Variants in CSDE1 observed in about 807,000 individuals in gnomAD.
CSDE1 encodes cold shock domain containing E1.
In CSDE1, 17 loss-of-function variants were observed where a neutral mutation model predicts 89.3. That is an observed-to-expected ratio of 0.19 (90% CI 0.13 to 0.29). The LOEUF (loss-of-function observed/expected upper bound fraction) is 0.29, where lower values mean the gene tolerates loss of function less well. CSDE1 is among the 10% of genes least tolerant of loss of function. The pLI is 1.00. For synonymous variants in CSDE1, 322 were observed against 332.8 expected, an observed-to-expected ratio of 0.97 and a Z score of 0.35; for missense variants, 672 against 984.2, an observed-to-expected ratio of 0.68 and a Z score of 4.24.
intron 2 of CSDE1, 135 bp from the exon 3 acceptor site, chr1:114,740,025 T>C (rs749743541): frequency 1.2e-5 from 8 of 654,076 alleles, no homozygotes; most frequent in Non-Finnish European, 1.8e-5. Flanking sequence ...TTATAGACTT[T>C]ATTACTGCAG....
intron 2 of CSDE1, among the ~76,000 whole-genome samples, chr1:114,749,300 A>G (rs77620702): frequency 1.2e-4 from 2 of 16,218 alleles, no homozygotes; most frequent in East Asian, 0.056. Context: ...TATCTTATTC[A>G]TTCGTTATAT....
chr1:114,720,747 A>G, intron 16 of CSDE1, 30 bp from the exon 17 acceptor site: 1 of 1,606,894 alleles, frequency 6.2e-7, no homozygotes, highest in South Asian at 1.1e-5. Context: ...TCTAAAAGCT[A>G]GTATTTCACA....
intron 12 of CSDE1, among the ~76,000 whole-genome samples, chr1:114,729,105 A>T (rs773837645): frequency 6.7e-6 from 1 of 150,028 alleles, no homozygotes; most frequent in Admixed American, 6.6e-5. Context: ...CAAGGTCTAA[A>T]TTTTTTTTTT....
chr1:114,719,237 G>T (rs189139375), intron 18 of CSDE1, among the ~76,000 whole-genome samples: 26 of 152,284 alleles, frequency 1.7e-4, no homozygotes, highest in Admixed American at 8.5e-4. Context: ...TAGGCCCAGG[G>T]GGTTGAGTCT....
Position 114,717,640 on chromosome 1 carries a change from G to A in CSDE1, c.*529C>T, listed in dbSNP as rs1476919622. On this transcript the variant is annotated 3_prime_UTR_variant, in exon 20 of 20. Coordinates refer to ENST00000358528, the MANE Select transcript of CSDE1 (RefSeq NM_001007553.3). ...AATTTGGCCATCAACTTTAAGAAAT[G>A]GTTTGCCTATACAAATTTTTGTAAT... The A allele has an allele frequency of 6.6e-6, 1 of 152,610 alleles. No individual in the cohort carries two copies. The highest frequency in any genetic ancestry group is 2.4e-5 in the African/African-American group (1 of 41,438). The allele number at this position is 152,610 out of a possible 1,614,324, so 9.5% of individuals were successfully genotyped here.
At chr1:114,720,872 A>G (rs1659480392) in intron 16 of CSDE1, among the ~76,000 whole-genome samples, 155 bp from the exon 17 acceptor site, 1 of 152,232 alleles carries the variant, frequency 6.6e-6, no homozygotes, top group South Asian at 2.1e-4. Context: ...AGCTTAAATG[A>G]AATCCTAAAT....
chr1:114,726,154 C>T, intron 14 of CSDE1, 57 bp downstream of exon 14: 1 of 1,492,318 alleles, frequency 6.7e-7, no homozygotes, highest in Non-Finnish European at 9.0e-7. Context: ...TTTTTTATTC[C>T]AACACCAAAG....
chr1:114,727,475 T>TGG (rs979738783), intron 12 of CSDE1, among the ~76,000 whole-genome samples: 3 of 152,198 alleles, frequency 2.0e-5, no homozygotes, highest in Non-Finnish European at 4.4e-5. Flanking sequence ...GCTGCTGAAG[T>TGG]ATCCTCTTTT....
chr1:114,737,249 G>A (rs900560568), intron 5 of CSDE1, among the ~76,000 whole-genome samples: 5 of 152,040 alleles, frequency 3.3e-5, no homozygotes, highest in Admixed American at 3.3e-4. Flanking sequence ...TTACCTTAAT[G>A]TTCTAACTAA....
At position 114,718,722 on chromosome 1, in the gene CSDE1, G is replaced by A. The variant is rs1252703432; in HGVS notation, c.2240C>T (p.Ala747Val). ...ATTGACCAACCGATCAGGTCGAGGAGCTGCAACAGCCTTGGGGCCCTCACT... is the reference window on the plus strand; with the variant it reads ...ATTGACCAACCGATCAGGTCGAGGAACTGCAACAGCCTTGGGGCCCTCACT... ...RVCEGPKAVA[A>V]PRPDRLVNRL... is the part of the protein sequence containing the mutation. Residue 747 changes from alanine to valine, a missense_variant, in exon 19 of 20, where the codon GCT becomes GTT. Ala to Val is a moderately conservative substitution (Grantham distance 64, BLOSUM62 0). Transcript: ENST00000358528. 1 of 1,614,152 alleles carries A rather than the reference G, an allele frequency of 6.2e-7. No homozygotes were observed. The highest frequency in any genetic ancestry group is 8.5e-7 in the Non-Finnish European group (1 of 1,179,998).
At chr1:114,754,791 A>T (rs1661503332) in intron 1 of CSDE1, among the ~76,000 whole-genome samples, 1 of 152,248 alleles carries the variant, frequency 6.6e-6, no homozygotes, top group Non-Finnish European at 1.5e-5. Flanking sequence ...GTGTAGTAAC[A>T]ACTGTGCTGG....
intron 15 of CSDE1, 97 bp downstream of exon 15, chr1:114,725,124 A>T: frequency 1.1e-6 from 1 of 901,236 alleles, no homozygotes; most frequent in Non-Finnish European, 1.8e-6. Context: ...CATGAGAATG[A>T]CTGATGTAGA....
chr1:114,721,188 G>C (rs539243854), intron 16 of CSDE1, among the ~76,000 whole-genome samples: 1 of 151,606 alleles, frequency 6.6e-6, no homozygotes, highest in African/African-American at 2.4e-5. Flanking sequence ...TTTTTTGTTC[G>C]AATTCTGGCT....
Position 114,720,626 on chromosome 1 carries a change from T to C in CSDE1, c.1965A>G (p.Gln655=), listed in dbSNP as rs75427731. 1,953 of 1,614,114 alleles carry C rather than the reference T, an allele frequency of 1.2e-3. 25 individuals carry two copies. The African/African-American group carries it at 0.022, about 18-fold the overall frequency. ...CLQKGESVKF[Q]LCVLGQNAQT... ...GTGCATTTTGGCCCAGGACACACAA[T>C]TGGAACTTGACGCTCTCCCCTTTCT... The change falls in exon 17 of 20, where the codon CAA becomes CAG. Residue 655 remains glutamine, a synonymous_variant. Transcript: ENST00000358528.
At position 114,719,620 on chromosome 1, in the gene CSDE1, C is replaced by G; in HGVS notation, c.2175G>C (p.Gln725His). ...DEVEFSVILN[Q>H]RTGKCSACNV... ...TACAGGCGCTGCACTTGCCAGTGCGCTGATTAAGAATCACTGAGAACTCCA... is the reference window on the plus strand; with the variant it reads ...TACAGGCGCTGCACTTGCCAGTGCGGTGATTAAGAATCACTGAGAACTCCA... Residue 725 changes from glutamine (Q) to histidine (H), a missense_variant, in exon 18 of 20, where the codon CAG (glutamine) becomes CAC (histidine). Around this residue, in one of 8 missense-constraint regions of CSDE1, gnomAD observed 206 missense variants for 332.4 expected, o/e 0.62. Coordinates refer to ENST00000358528, the MANE Select transcript of CSDE1 (RefSeq NM_001007553.3). The G allele has an allele frequency of 1.2e-6, 2 of 1,614,016 alleles. No homozygotes were observed. Among genetic ancestry groups the G allele is most frequent in the Non-Finnish European group, 8.5e-7 (1 of 1,179,900 alleles).
intron 2 of CSDE1, chr1:114,748,212 CTGAA>C (rs920292107): frequency 5.0e-4 from 76 of 152,304 alleles, no homozygotes; most frequent in African/African-American, 1.8e-3. Context: ...GCTTTTGTAA[CTGAA>C]TGACTTATTT....
intron 9 of CSDE1, among the ~76,000 whole-genome samples, chr1:114,733,236 A>G (rs1013013879): frequency 6.6e-6 from 1 of 152,134 alleles, no homozygotes; most frequent in Non-Finnish European, 1.5e-5. Flanking sequence ...GTAAAAAAAA[A>G]TACATATTTG....
chr1:114,737,325 T>G, intron 5 of CSDE1, 146 bp downstream of exon 5: 1 of 654,510 alleles, frequency 1.5e-6, no homozygotes, highest in South Asian at 2.2e-5. Flanking sequence ...AATTTTTTGA[T>G]TATGCTGCAT....
intron 2 of CSDE1, among the ~76,000 whole-genome samples, chr1:114,746,102 A>G (rs1156873284): frequency 6.6e-6 from 1 of 152,198 alleles, no homozygotes; most frequent in Non-Finnish European, 1.5e-5. Flanking sequence ...GATCTTTAGA[A>G]AACTACTCTG....
Sources: gnomAD v4.1 joint callset for allele counts (sites outside exome capture counted in the v4.1 genomes callset) on GRCh38, gnomAD v4.1.1 for gene constraint, gnomAD v4.1.1 regional missense constraint, MANE v1.5 for transcripts, NCBI Gene and HGNC (gene_info 2026-07-23, HGNC 2026-07-21) for gene names.